Variants in TMEM165 observed in about 807,000 individuals in gnomAD.
TMEM165 encodes the protein transmembrane protein 165, also known as putative divalent cation/proton antiporter TMEM165.
A neutral mutation model predicts 30.0 loss-of-function variants in TMEM165; 19 were observed. That is an observed-to-expected ratio of 0.63 (90% CI 0.44 to 0.93). TMEM165 has a LOEUF of 0.93. TMEM165 is among the 40% of genes least tolerant of loss of function. The pLI is 0.00. For missense variants in TMEM165, 340 were observed against 417.0 expected, an observed-to-expected ratio of 0.82 and a Z score of 1.61; for synonymous variants, 168 against 162.9, an observed-to-expected ratio of 1.03 and a Z score of -0.24.
chr4:55,409,088 A>T (rs1721383018), intron 1 of TMEM165, among the ~76,000 whole-genome samples: 1 of 152,170 alleles, frequency 6.6e-6, no homozygotes, highest in Non-Finnish European at 1.5e-5. Context: ...TGGAACCAAA[A>T]TAATGGAGAG....
chr4:55,399,559 T>C (rs1306839544), intron 1 of TMEM165, among the ~76,000 whole-genome samples: 1 of 152,172 alleles, frequency 6.6e-6, no homozygotes, highest in African/African-American at 2.4e-5. Context: ...TTTGTTGAAG[T>C]TTTAGTCATA....
chr4:55,430,145 C>T (rs1023556739), downstream of TMEM165: 10 of 152,168 alleles, frequency 6.6e-5, no homozygotes, highest in African/African-American at 2.2e-4. Flanking sequence ...CTTCTTTGAA[C>T]CCCTTTCTAA....
At position 55,415,255 on chromosome 4, in the gene TMEM165, T is replaced by C. The variant is rs184660750; in HGVS notation, c.434-1817T>C. 66 of 152,364 alleles carry C rather than the reference T, an allele frequency of 4.3e-4. No homozygotes were observed. In the East Asian group the frequency reaches 0.011, roughly 25 times the overall value. The allele number at this position is 152,364 out of a possible 1,614,324, so 9.4% of individuals were successfully genotyped here. A position where few individuals can be genotyped will look rare whatever the true frequency, so the allele number is the denominator to read the frequency against. Reference sequence around the variant, plus strand: ...TCTTTTTACTAGCAGTACAAACTTATGGATTCCTTTTTTCAATGGTTTATA... The same window carrying C: ...TCTTTTTACTAGCAGTACAAACTTACGGATTCCTTTTTTCAATGGTTTATA... On this transcript the variant is annotated intron_variant, in intron 2 of 5. Transcript: ENST00000381334.
chr4:55,435,658 C>G, intron 3 of TMEM165: 2 of 1,510,500 alleles, frequency 1.3e-6, no homozygotes, highest in South Asian at 1.1e-5. Context: ...ATAATAGTTA[C>G]TCACACTCTC....
At chr4:55,428,802 T>C (rs78051726), downstream of TMEM165, 3 of 151,640 alleles carry the variant, frequency 2.0e-5, no homozygotes, top group Admixed American at 2.0e-4. Context: ...TTTTTTTTTT[T>C]GCACTGACTG....
intron 3 of TMEM165, chr4:55,444,637 A>T: frequency 6.2e-7 from 1 of 1,614,080 alleles, no homozygotes; most frequent in Non-Finnish European, 8.5e-7. Flanking sequence ...AATTACCTGC[A>T]GCCCCTGACC....
intron 3 of TMEM165, chr4:55,449,011 T>C (rs6811520): frequency 0.69 from 471,727 of 683,606 alleles, 164,981 homozygotes; most frequent in African/African-American, 0.83. Flanking sequence ...CTATGTCTTC[T>C]CATCTATATT....
intron 4 of TMEM165, among the ~76,000 whole-genome samples, chr4:55,420,098 G>GGAAAAA (rs1553886879): frequency 3.2e-4 from 14 of 43,750 alleles, no homozygotes; most frequent in Non-Finnish European, 1.6e-4. Context: ...ACTATCTTAA[G>GGAAAAA]AAAAAAAAAT....
intron 4 of TMEM165, 131 bp from the exon 5 acceptor site, chr4:55,424,407 A>G (rs1258834263): frequency 1.5e-5 from 9 of 609,936 alleles, no homozygotes; most frequent in Non-Finnish European, 2.1e-5. Flanking sequence ...AATTTATTAT[A>G]CACCTGCATT....
At chr4:55,435,322 G>T in intron 3 of TMEM165, 3 of 1,457,604 alleles carry the variant, frequency 2.1e-6, no homozygotes, top group Non-Finnish European at 2.9e-6. Context: ...TCATGAAACT[G>T]CTGGAACTTT....
chr4:55,443,488 A>G (rs1381839727), intron 3 of TMEM165, among the ~76,000 whole-genome samples: 10 of 148,588 alleles, frequency 6.7e-5, no homozygotes, highest in South Asian at 2.1e-4. Context: ...AAAAAAAAAA[A>G]GAAAAAAAAA....
intron 3 of TMEM165, among the ~76,000 whole-genome samples, chr4:55,438,763 G>A (rs906737616): frequency 3.9e-5 from 6 of 152,032 alleles, no homozygotes; most frequent in East Asian, 1.9e-4. Context: ...AATACAAAAC[G>A]TCTTTGGATA....
intron 1 of TMEM165, chr4:55,397,156 G>A (rs1421847799): frequency 6.6e-6 from 1 of 152,216 alleles, no homozygotes; most frequent in Non-Finnish European, 1.5e-5. Flanking sequence ...TCTGCTCCCT[G>A]AATCCCGGCC....
intron 3 of TMEM165, among the ~76,000 whole-genome samples, chr4:55,450,994 G>C (rs367832220): frequency 5.3e-5 from 8 of 151,222 alleles, no homozygotes; most frequent in African/African-American, 1.9e-4. Flanking sequence ...TTCTCCATCA[G>C]CTCATTCTCA....
intron 1 of TMEM165, among the ~76,000 whole-genome samples, chr4:55,410,225 A>G (rs1478651793): frequency 3.3e-5 from 5 of 152,194 alleles, no homozygotes; most frequent in Non-Finnish European, 7.3e-5. Flanking sequence ...GACATCTGCT[A>G]ATCTTCAGAG....
chr4:55,403,516 A>ATT (rs1398677528), intron 1 of TMEM165, among the ~76,000 whole-genome samples: 3 of 128,510 alleles, frequency 2.3e-5, no homozygotes, highest in South Asian at 2.5e-4. Context: ...TTTTTTTACA[A>ATT]TTTTTACATT....
At chr4:55,436,610 A>AAC (rs1321629597) in intron 3 of TMEM165, among the ~76,000 whole-genome samples, 1 of 152,324 alleles carries the variant, frequency 6.6e-6, no homozygotes, top group East Asian at 1.9e-4. Context: ...AACATGCACA[A>AAC]ACACACACAC....
At chr4:55,415,498 A>G (rs1721684058) in intron 2 of TMEM165, 1 of 152,100 alleles carries the variant, frequency 6.6e-6, no homozygotes, top group Non-Finnish European at 1.5e-5. Flanking sequence ...TTAGGGGAGA[A>G]TGGTATTAGA....
In TMEM165 at chr4:55,411,614, A is replaced by G; in HGVS notation, c.208A>G (p.Lys70Glu). The G allele has an allele frequency of 6.3e-7, 1 of 1,598,822 alleles. No individual in the cohort carries two copies. Residue 70 changes from lysine (K) to glutamate (E), a missense_variant and splice_region_variant, in exon 2 of 6, where the codon AAA becomes GAA. Transcript: ENST00000381334. The stretch of plus-strand genomic sequence containing the variant: ...GAAGTAACTGATTTTTTTTTTCCAG[A>G]AAATATTTACACCAGCAGCTCCAGT... ...VQGPEPARVE[K>E]IFTPAAPVHT...
Sources: gnomAD v4.1 joint callset for allele counts (sites outside exome capture counted in the v4.1 genomes callset) on GRCh38, gnomAD v4.1.1 for gene constraint, MANE v1.5 for transcripts, NCBI Gene and HGNC (gene_info 2026-07-23, HGNC 2026-07-21) for gene names.